Variants in NRG1 observed in about 807,000 individuals in gnomAD.
The protein encoded by NRG1 is pro-neuregulin-1, membrane-bound isoform.
A neutral mutation model predicts 63.8 loss-of-function variants in NRG1; 18 were observed. The observed-to-expected ratio is 0.28, with a 90% CI of 0.19 to 0.42. The LOEUF (loss-of-function observed/expected upper bound fraction) is 0.42, where lower values mean the gene tolerates loss of function less well. Among genes scored for constraint, NRG1 ranks in the 10% least tolerant of loss-of-function variants. NRG1 has a pLI of 1.00. For synonymous variants in NRG1, 302 were observed against 301.3 expected, an observed-to-expected ratio of 1.00 and a Z score of -0.02; for missense variants, 762 against 814.7, an observed-to-expected ratio of 0.94 and a Z score of 0.79.
At chr8:32,536,004 A>T (rs992010906) in intron 1 of NRG1, among the ~76,000 whole-genome samples, 12 of 152,196 alleles carry the variant, frequency 7.9e-5, no homozygotes, top group African/African-American at 2.9e-4. Flanking sequence ...CTGAGACACT[A>T]CATCAATTAA....
At chr8:32,488,615 A>AAACG (rs1402196489) in intron 1 of NRG1, among the ~76,000 whole-genome samples, 1 of 151,130 alleles carries the variant, frequency 6.6e-6, no homozygotes, top group Non-Finnish European at 1.5e-5. Context: ...ATCTCTACCC[A>AAACG]AACAAACAAA....
chr8:32,377,041 C>T (rs1044535491), intron 1 of NRG1, among the ~76,000 whole-genome samples: 9 of 152,062 alleles, frequency 5.9e-5, no homozygotes, highest in African/African-American at 1.2e-4. Flanking sequence ...AATGCAGAAG[C>T]GAATTTCATC....
Position 32,106,347 on chromosome 8 carries a change from A to G in NRG1, c.37+466916A>G, listed in dbSNP as rs544711311. Among the ~76,000 whole-genome samples the G allele has an allele frequency of 3.3e-5, 5 of 152,346 alleles. No individual in the cohort carries two copies. The South Asian group carries it at 1.0e-3, about 32-fold the overall frequency. Reference sequence around the variant, plus strand: ...TATTTTGTGGCCAACTGGCAACCATATGGAAGTCAGTTAAAATGTATTTTG... The same window carrying G: ...TATTTTGTGGCCAACTGGCAACCATGTGGAAGTCAGTTAAAATGTATTTTG... On this transcript the variant is annotated intron_variant, in intron 1 of 10. Transcript: ENST00000519301.
At chr8:32,545,353 T>C (rs981073146), upstream of NRG1, among the ~76,000 whole-genome samples, 4 of 152,240 alleles carry the variant, frequency 2.6e-5, no homozygotes, top group African/African-American at 4.8e-5. Flanking sequence ...TCAGGAGTTA[T>C]GTTGACAATT....
chr8:31,731,525 A>AAATT (rs1213148435), intron 1 of NRG1, among the ~76,000 whole-genome samples: 1 of 152,144 alleles, frequency 6.6e-6, no homozygotes, highest in Non-Finnish European at 1.5e-5. Context: ...TTATAAATAC[A>AAATT]AATTAATACT....
chr8:32,199,805 G>A (rs992503380), intron 1 of NRG1, among the ~76,000 whole-genome samples: 1 of 151,740 alleles, frequency 6.6e-6, no homozygotes, highest in Admixed American at 6.6e-5. Flanking sequence ...TTTGAGTGGA[G>A]TTTCACTCTT....
intron 1 of NRG1, among the ~76,000 whole-genome samples, chr8:32,389,683 A>G (rs1292620073): frequency 1.3e-5 from 2 of 152,020 alleles, no homozygotes; most frequent in Non-Finnish European, 2.9e-5. Flanking sequence ...TTTCTCTGCA[A>G]TCAGAGTGAT....
intron 1 of NRG1, among the ~76,000 whole-genome samples, chr8:32,276,372 G>T (rs1852095008): frequency 1.3e-5 from 2 of 152,186 alleles, no homozygotes; most frequent in Admixed American, 1.3e-4. Flanking sequence ...GCAAATGGCA[G>T]AATTTCATTC....
intron 1 of NRG1, among the ~76,000 whole-genome samples, chr8:31,903,166 T>TTTTA (rs1832231957): frequency 6.6e-6 from 1 of 150,438 alleles, no homozygotes; most frequent in Admixed American, 6.6e-5. Flanking sequence ...TTTTTTTTTT[T>TTTTA]GAGATGGAAT....
chr8:32,314,226 G>A (rs1244607964), intron 1 of NRG1, among the ~76,000 whole-genome samples: 4 of 152,068 alleles, frequency 2.6e-5, no homozygotes, highest in Admixed American at 1.3e-4. Flanking sequence ...CAGAGTGGCA[G>A]GATGGCTCTT....
At chr8:32,021,893 T>C (rs1257793392) in intron 1 of NRG1, among the ~76,000 whole-genome samples, 2 of 152,174 alleles carry the variant, frequency 1.3e-5, no homozygotes, top group Non-Finnish European at 2.9e-5. Flanking sequence ...CCTTCTTCTC[T>C]TTTGCTTTTT....
chr8:32,587,506 TAA>T lies in NRG1; in HGVS notation c.101-8321_101-8320del, dbSNP rs138968875. On this transcript the variant is annotated intron_variant, in intron 1 of 11. Transcript: ENST00000356819. ...GTTAGTGTCTGATGGCAGAGCGGCA[TAA>T]GAGTCCTAGCCCAGTGGCATGCAGA... Among the ~76,000 whole-genome samples, 1,050 of 152,272 alleles carry T rather than the reference TAA, an allele frequency of 6.9e-3. 16 individuals carry two copies. Among genetic ancestry groups the T allele is most frequent in the African/African-American group, 0.024 (1,007 of 41,548 alleles).
intron 1 of NRG1, among the ~76,000 whole-genome samples, chr8:32,281,676 A>G (rs928204651): frequency 3.3e-5 from 5 of 152,058 alleles, no homozygotes; most frequent in Non-Finnish European, 7.4e-5. Flanking sequence ...ATCTATGTTG[A>G]GCAATTAAAA....
At chr8:32,628,011 A>G (rs1417992531) in intron 5 of NRG1, among the ~76,000 whole-genome samples, 1 of 152,258 alleles carries the variant, frequency 6.6e-6, no homozygotes, top group Non-Finnish European at 1.5e-5. Context: ...AAATCTACGT[A>G]TTGAATCAGC....
chr8:32,382,681 C>G lies in NRG1; in HGVS notation c.38-213147C>G, dbSNP rs111417132. Among the ~76,000 whole-genome samples, 380 of 152,238 alleles carry G rather than the reference C, an allele frequency of 2.5e-3. 3 individuals carry two copies. Among genetic ancestry groups the G allele is most frequent in the African/African-American group, 8.9e-3 (369 of 41,524 alleles). ...GGAATAGACATAAGTTGCAAGTGGT[C>G]ACAGCTTGACCTGAAAACCTATATC... is the stretch of plus-strand genomic sequence containing the variant. On this transcript the variant is annotated intron_variant, in intron 1 of 10. Transcript: ENST00000519301.
chr8:32,101,581 T>C (rs567719145), intron 1 of NRG1, among the ~76,000 whole-genome samples: 1 of 151,950 alleles, frequency 6.6e-6, no homozygotes, highest in South Asian at 2.1e-4. Context: ...ATAGTTTAGC[T>C]GAAGTGAGCT....
chr8:32,544,437 G>T (rs1308097997), upstream of NRG1, among the ~76,000 whole-genome samples: 3 of 151,452 alleles, frequency 2.0e-5, no homozygotes, highest in African/African-American at 7.3e-5. Context: ...TGAGATCAGA[G>T]ACAGTATTTT....
intron 1 of NRG1, among the ~76,000 whole-genome samples, chr8:31,792,720 C>T (rs1001560699): frequency 7.9e-5 from 12 of 152,204 alleles, no homozygotes; most frequent in Non-Finnish European, 1.8e-4. Flanking sequence ...ACAGACTGTC[C>T]TGTTTCACCT....
chr8:31,650,707 A>G (rs185721522), intron 1 of NRG1, among the ~76,000 whole-genome samples: 1 of 152,240 alleles, frequency 6.6e-6, no homozygotes, highest in Non-Finnish European at 1.5e-5. Context: ...GTTTGTTACA[A>G]TGTATGTATT....
Sources: allele counts gnomAD v4.1 joint callset (sites outside exome capture counted in the v4.1 genomes callset), GRCh38; gene constraint gnomAD v4.1.1; transcripts MANE v1.5; gene names NCBI Gene and HGNC (gene_info 2026-07-23, HGNC 2026-07-21).